The following KLF4 variants were observed in gnomAD, a reference collection of about 807,000 sequenced individuals.
KLF4 encodes KLF transcription factor 4, also known as Krueppel-like factor 4.
In KLF4, 14 loss-of-function variants were observed where a neutral mutation model predicts 38.0. That is an observed-to-expected ratio of 0.37 (90% CI 0.24 to 0.58). The LOEUF is 0.58. Among genes scored for constraint, KLF4 ranks in the 20% least tolerant of loss-of-function variants. The pLI is 0.76. For missense variants in KLF4, 737 were observed against 670.1 expected, an observed-to-expected ratio of 1.10 and a Z score of -1.10; for synonymous variants, 398 against 302.5, an observed-to-expected ratio of 1.32 and a Z score of -3.28.
At position 107,487,878 on chromosome 9, in the gene KLF4, G is replaced by A. The variant is rs1829105703; in HGVS notation, c.516C>T (p.Leu172=). The A allele has an allele frequency of 1.3e-6, 2 of 1,546,334 alleles. No homozygotes were observed. The highest frequency in any genetic ancestry group is 1.4e-5 in the African/African-American group (1 of 73,556). The change falls in exon 3 of 5, where the codon CTC becomes CTT. Residue 172 remains leucine (L), a synonymous_variant. Transcript: ENST00000374672. The surrounding 1 kb of genome is among the most constrained non-coding windows in gnomAD (Gnocchi z 6.1). The part of the protein sequence containing the change: ...VAPGGTGGGL[L]YGRESAPPPT... Reference sequence around the variant, plus strand: ...GAGGGGGAGCGGACTCCCTGCCATAGAGGAGGCCTCCGCCCGTGCCGCCCG... The same window carrying A: ...GAGGGGGAGCGGACTCCCTGCCATAAAGGAGGCCTCCGCCCGTGCCGCCCG...
Position 107,488,158 on chromosome 9 carries a change from G to T in KLF4, c.236C>A (p.Ala79Asp), listed in dbSNP as rs144010829. 2 of 1,612,582 alleles carry T rather than the reference G, an allele frequency of 1.2e-6. No individual in the cohort carries two copies. The highest frequency in any genetic ancestry group is 1.7e-6 in the Non-Finnish European group (2 of 1,179,864). The change falls in exon 3 of 5, where the codon GCC (alanine) becomes GAC (aspartate). Residue 79 changes from alanine (A) to aspartate (D), a missense_variant. This residue lies in a region of KLF4 where 695 missense variants were observed against 554.5 expected (regional missense o/e 1.25). Transcript: ENST00000374672. The surrounding 1 kb of genome is among the most constrained non-coding windows in gnomAD (Gnocchi z 5.7). ...TVATDLESGGAGAACGGSNLA... is the reference protein window; with the variant it reads ...TVATDLESGGDGAACGGSNLA... ...GTTGCTACCGCCGCAAGCCGCACCG[G>T]CTCCGCCGCTCTCCAGGTCTGTGGC... is the stretch of plus-strand genomic sequence containing the variant.
At position 107,489,288 on chromosome 9, in the gene KLF4, C is replaced by A; in HGVS notation, c.-116G>T. ...CCCAAAACCCCAAATTGGCCGAGAT[C>A]CTTCTTCTTTGGATTAAATATAACT... On this transcript the variant is annotated 5_prime_UTR_variant, in exon 1 of 5. Coordinates refer to ENST00000374672, the MANE Select transcript of KLF4 (RefSeq NM_004235.6). 7.7e-7 allele frequency: 1 copy of A among 1,305,782 alleles called. No homozygotes were observed. The highest frequency in any genetic ancestry group is 1.7e-5 in the South Asian group (1 of 59,784). The allele number at this position is 1,305,782 out of a possible 1,614,324, so 80.9% of individuals were successfully genotyped here.
At position 107,487,674 on chromosome 9, in the gene KLF4, G is replaced by A. The variant is rs771082048; in HGVS notation, c.720C>T (p.Ser240=). The A allele has an allele frequency of 6.3e-7, 1 of 1,592,112 alleles. No individual in the cohort carries two copies. Among genetic ancestry groups the A allele is most frequent in the Non-Finnish European group, 8.6e-7 (1 of 1,166,902 alleles). ...VLKASLSAPG[S]EYGSPSVISV... ...TGATGACCGACGGGCTGCCGTACTC[G>A]CTGCCAGGGGCGCTCAGCGACGCCT... Residue 240 remains serine (S), a synonymous_variant, in exon 3 of 5, where the codon AGC becomes AGT. Transcript: ENST00000374672. The surrounding 1 kb of genome is among the most constrained non-coding windows in gnomAD (Gnocchi z 6.1).
rs780759576 is a variant in KLF4 at position 107,487,744 on chromosome 9, T to G, written c.650A>C (p.Gln217Pro). The G allele has an allele frequency of 5.1e-6, 8 of 1,579,344 alleles. No individual in the cohort carries two copies. The highest frequency in any genetic ancestry group is 6.9e-6 in the Non-Finnish European group (8 of 1,163,320). Residue 217 changes from glutamine (Q) to proline (P), a missense_variant, in exon 3 of 5, where the codon CAG becomes CCG. Physicochemically the swap from Gln to Pro is moderately conservative, Grantham distance 76. Transcript: ENST00000374672. This position sits in a 1 kb window ranked among gnomAD's most constrained non-coding sequence, Gnocchi z 6.1. ...CAGCCCGCCACCTGGCGGCTGCGGC[T>G]GCTGCGGCGGAATGTACACCGGGTC... Reference protein sequence around the residue: ...ELDPVYIPPQQPQPPGGGLMG... With the variant: ...ELDPVYIPPQPPQPPGGGLMG...
chr9:107,487,916 G>C lies in KLF4; in HGVS notation c.478C>G (p.Pro160Ala), dbSNP rs1202616226. Residue 160 changes from proline (P) to alanine (A), a missense_variant, in exon 3 of 5, where the codon CCG becomes GCG. This residue lies in a region of KLF4 where 695 missense variants were observed against 554.5 expected (regional missense o/e 1.25). Coordinates refer to ENST00000374672, the MANE Select transcript of KLF4 (RefSeq NM_004235.6). The surrounding 1 kb of genome is among the most constrained non-coding windows in gnomAD (Gnocchi z 6.1). ...FTYPIRAGND[P>A]GVAPGGTGGG... Reference sequence around the variant, plus strand: ...CCCGTGCCGCCCGGCGCCACGCCCGGGTCGTTCCCGGCCCGGATCGGATAG... The same window carrying C: ...CCCGTGCCGCCCGGCGCCACGCCCGCGTCGTTCCCGGCCCGGATCGGATAG... 6.4e-7 allele frequency: 1 copy of C among 1,573,210 alleles called. No individual in the cohort carries two copies. Among genetic ancestry groups the C allele is most frequent in the Admixed American group, 1.9e-5 (1 of 53,614 alleles).
intron 4 of KLF4, among the ~76,000 whole-genome samples, chr9:107,486,339 C>T (rs1317914066): frequency 6.6e-6 from 1 of 152,034 alleles, no homozygotes; most frequent in Admixed American, 6.6e-5. Flanking sequence ...CCACAGGTGG[C>T]TACTTTTTTT....
Position 107,488,259 on chromosome 9 carries a change from C to T in KLF4, c.135G>A (p.Arg45=). ...RQAGAPNNRW[R]EELSHMKRLP... is the part of the protein sequence containing the mutation. ...GTCGCTTCATGTGGGAGAGCTCCTC[C>T]CGCCAGCGCTGCGGGGACAGGGCGG... The change falls in exon 3 of 5, where the codon CGG becomes CGA. Residue 45 remains arginine (R), a synonymous_variant. Transcript: ENST00000374672. The surrounding 1 kb of genome is among the most constrained non-coding windows in gnomAD (Gnocchi z 5.7). 1.9e-6 allele frequency: 3 copies of T among 1,603,516 alleles called. No individual in the cohort carries two copies. The highest frequency in any genetic ancestry group is 2.6e-6 in the Non-Finnish European group (3 of 1,176,394).
chr9:107,487,713 G>C lies in KLF4; in HGVS notation c.681C>G (p.Gly227=). 7 of 1,600,742 alleles carry C rather than the reference G, an allele frequency of 4.4e-6. No individual in the cohort carries two copies. Among genetic ancestry groups the C allele is most frequent in the Non-Finnish European group, 6.0e-6 (7 of 1,175,020 alleles). Residue 227 remains glycine, a synonymous_variant, in exon 3 of 5, where the codon GGC becomes GGG. Transcript: ENST00000374672. The surrounding 1 kb of genome is among the most constrained non-coding windows in gnomAD (Gnocchi z 6.1). ...QPQPPGGGLM[G]KFVLKASLSA... is the part of the protein sequence containing the mutation. Reference sequence around the variant, plus strand: ...TCAGCGACGCCTTCAGCACGAACTTGCCCATCAGCCCGCCACCTGGCGGCT... The same window carrying C: ...TCAGCGACGCCTTCAGCACGAACTTCCCCATCAGCCCGCCACCTGGCGGCT...
chr9:107,485,781 G>A lies in KLF4; in HGVS notation c.1410C>T (p.His470=), dbSNP rs1309857292. 3 of 1,604,130 alleles carry A rather than the reference G, an allele frequency of 1.9e-6. No homozygotes were observed. In the African/African-American group the frequency reaches 4.0e-5, roughly 22 times the overall value. The change falls in exon 5 of 5, where the codon CAC becomes CAT. Residue 470 remains histidine, a synonymous_variant. Coordinates refer to ENST00000374672, the MANE Select transcript of KLF4 (RefSeq NM_004235.6). The surrounding 1 kb of genome is among the most constrained non-coding windows in gnomAD (Gnocchi z 4.9). ...KCDRAFSRSD[H]LALHMKRHF is the part of the protein sequence containing the mutation. ...AATGCCTCTTCATGTGTAAGGCGAG[G>A]TGGTCCGACCTGGAAAATGCTCGGT...
At position 107,488,373 on chromosome 9, in the gene KLF4, G is replaced by A; in HGVS notation, c.127-106C>T. On this transcript the variant is annotated intron_variant, in intron 2 of 4. Coordinates refer to ENST00000374672, the MANE Select transcript of KLF4 (RefSeq NM_004235.6). The surrounding 1 kb of genome is among the most constrained non-coding windows in gnomAD (Gnocchi z 5.7). ...CGCGACTGCACCGCCCAGACATGGG[G>A]ACTGGTCAGGCAGGAAGCACCCGGG... is the stretch of plus-strand genomic sequence containing the variant. 1 of 1,441,782 alleles carries A rather than the reference G, an allele frequency of 6.9e-7. No individual in the cohort carries two copies. Among genetic ancestry groups the A allele is most frequent in the Admixed American group, 2.7e-5 (1 of 36,472 alleles). The allele number at this position is 1,441,782 out of a possible 1,614,324, so 89.3% of individuals were successfully genotyped here.
chr9:107,489,285 G>A lies in KLF4; in HGVS notation c.-113C>T, dbSNP rs1338458798. 2 of 1,318,016 alleles carry A rather than the reference G, an allele frequency of 1.5e-6. No homozygotes were observed. Among genetic ancestry groups the A allele is most frequent in the Admixed American group, 3.1e-5 (1 of 32,186 alleles). 81.6% of individuals were successfully genotyped at this position (1,318,016 alleles called of 1,614,324 possible). On this transcript the variant is annotated 5_prime_UTR_variant, in exon 1 of 5. Coordinates refer to ENST00000374672, the MANE Select transcript of KLF4 (RefSeq NM_004235.6). ...AAACCCAAAACCCCAAATTGGCCGA[G>A]ATCCTTCTTCTTTGGATTAAATATA...
In KLF4 at chr9:107,488,141, C is replaced by T. The variant is rs747921767; in HGVS notation, c.253G>A (p.Gly85Ser). The change falls in exon 3 of 5, where the codon GGT becomes AGT. Residue 85 changes from glycine to serine, a missense_variant. Coordinates refer to ENST00000374672, the MANE Select transcript of KLF4 (RefSeq NM_004235.6). The surrounding 1 kb of genome is among the most constrained non-coding windows in gnomAD (Gnocchi z 5.7). Reference protein sequence around the residue: ...ESGGAGAACGGSNLAPLPRRE... With the variant: ...ESGGAGAACGSSNLAPLPRRE... ...CGAGGTAGGGGCGCCAGGTTGCTAC[C>T]GCCGCAAGCCGCACCGGCTCCGCCG... is the stretch of plus-strand genomic sequence containing the variant. The T allele has an allele frequency of 2.5e-6, 4 of 1,612,360 alleles. No homozygotes were observed. Among genetic ancestry groups the T allele is most frequent in the Middle Eastern group, 3.3e-4 (2 of 6,050 alleles).
Position 107,487,609 on chromosome 9 carries a change from A to G in KLF4, c.785T>C (p.Val262Ala), listed in dbSNP as rs1587921496. The G allele has an allele frequency of 6.3e-7, 1 of 1,599,432 alleles. No homozygotes were observed. Among genetic ancestry groups the G allele is most frequent in the East Asian group, 2.2e-5 (1 of 44,588 alleles). ...KGSPDGSHPV[V>A]VAPYNGGPPR... ...CGGCCCGCCGTTGTAGGGCGCCACC[A>G]CCACCGGGTGGCTGCCGTCAGGGCT... The change falls in exon 3 of 5, where the codon GTG (valine) becomes GCG (alanine). Residue 262 changes from valine to alanine, a missense_variant. By Grantham distance (64) the Val-to-Ala change is moderately conservative. Around this residue, in one of 2 missense-constraint regions of KLF4, gnomAD observed 695 missense variants for 554.5 expected, o/e 1.25. Transcript: ENST00000374672. The surrounding 1 kb of genome is among the most constrained non-coding windows in gnomAD (Gnocchi z 6.1).
In KLF4 at chr9:107,488,896, C is replaced by G. The variant is rs978235301; in HGVS notation, c.126+34G>C. The G allele has an allele frequency of 1.1e-5, 17 of 1,543,370 alleles. No homozygotes were observed. Among genetic ancestry groups the G allele is most frequent in the Non-Finnish European group, 1.5e-5 (17 of 1,141,622 alleles). ...CCCCCACCACACCCACGAAAACCCA[C>G]CGGGCGTTCCCGGCGGCCCGGAGCG... is the stretch of plus-strand genomic sequence containing the variant. On this transcript the variant is annotated intron_variant, in intron 2 of 4. Coordinates refer to ENST00000374672, the MANE Select transcript of KLF4 (RefSeq NM_004235.6). This position sits in a 1 kb window ranked among gnomAD's most constrained non-coding sequence, Gnocchi z 5.7.
rs757948885 is a variant in KLF4, at chr9:107,488,175, G to T, written c.219C>A (p.Asp73Glu). 6 of 1,612,466 alleles carry T rather than the reference G, an allele frequency of 3.7e-6. No homozygotes were observed. The East Asian group carries it at 1.1e-4, about 30-fold the overall frequency. The change falls in exon 3 of 5, where the codon GAC (aspartate) becomes GAA (glutamate). Residue 73 changes from aspartate to glutamate, a missense_variant. Physicochemically the swap from Asp to Glu is conservative, Grantham distance 45. Transcript: ENST00000374672. The surrounding 1 kb of genome is among the most constrained non-coding windows in gnomAD (Gnocchi z 5.7). ...YDLAAATVAT[D>E]LESGGAGAAC... The stretch of plus-strand genomic sequence containing the variant: ...CCGCACCGGCTCCGCCGCTCTCCAG[G>T]TCTGTGGCCACGGTCGCCGCCGCCA...
At position 107,487,163 on chromosome 9, in the gene KLF4, C is replaced by G. The variant is rs758651089; in HGVS notation, c.1129G>C (p.Glu377Gln). ...CTTCCCCTCTTTGGCTTGGGCTCCTCTGGCATGCAGGAACCGGGTGGCATG... is the reference window on the plus strand; with the variant it reads ...CTTCCCCTCTTTGGCTTGGGCTCCTGTGGCATGCAGGAACCGGGTGGCATG... ...ELMPPGSCMP[E>Q]EPKPKRGRRS... Residue 377 changes from glutamate (E) to glutamine (Q), a missense_variant, in exon 4 of 5, where the codon GAG (glutamate) becomes CAG (glutamine). Coordinates refer to ENST00000374672, the MANE Select transcript of KLF4 (RefSeq NM_004235.6). This position sits in a 1 kb window ranked among gnomAD's most constrained non-coding sequence, Gnocchi z 6.1. 2.5e-6 allele frequency: 4 copies of G among 1,614,094 alleles called. No individual in the cohort carries two copies. The highest frequency in any genetic ancestry group is 2.5e-6 in the Non-Finnish European group (3 of 1,180,050).
rs771164017 is a variant in KLF4 at position 107,488,093 on chromosome 9, C to A, written c.301G>T (p.Asp101Tyr). The change falls in exon 3 of 5, where the codon GAT becomes TAT. Residue 101 changes from aspartate to tyrosine, a missense_variant. This residue lies in a region of KLF4 where 695 missense variants were observed against 554.5 expected (regional missense o/e 1.25). Transcript: ENST00000374672. The surrounding 1 kb of genome is among the most constrained non-coding windows in gnomAD (Gnocchi z 5.7). ...AGAATAAAGTCCAGGTCCAGGAGAT[C>A]GTTGAACTCCTCGGTCTCTCTCCGA... ...LPRRETEEFN[D>Y]LLDLDFILSN... The A allele has an allele frequency of 1.2e-6, 2 of 1,612,954 alleles. No homozygotes were observed. Among genetic ancestry groups the A allele is most frequent in the South Asian group, 1.1e-5 (1 of 91,084 alleles).
chr9:107,487,226 CGTGTGTCCCGAA>C lies in KLF4; in HGVS notation c.1100-46_1100-35del. The C allele has an allele frequency of 6.2e-7, 1 of 1,608,816 alleles. No individual in the cohort carries two copies. Among genetic ancestry groups the C allele is most frequent in the Non-Finnish European group, 8.5e-7 (1 of 1,177,024 alleles). On this transcript the variant is annotated intron_variant, in intron 3 of 4. Coordinates refer to ENST00000374672, the MANE Select transcript of KLF4 (RefSeq NM_004235.6). This position sits in a 1 kb window ranked among gnomAD's most constrained non-coding sequence, Gnocchi z 6.1. ...GAAGAAGGTGGGGTGAGCATCATCC[CGTGTGTCCCGAA>C]GTGGGGCCAGCACACACAGGGCTCC...
At position 107,488,473 on chromosome 9, in the gene KLF4, G is replaced by T; in HGVS notation, c.127-206C>A. ...GAGGTGATGCGTCTGTATTGCGGGT[G>T]TTATGTCCTGTCTGCCCAATTGCGT... is the stretch of plus-strand genomic sequence containing the variant. On this transcript the variant is annotated intron_variant, in intron 2 of 4. Coordinates refer to ENST00000374672, the MANE Select transcript of KLF4 (RefSeq NM_004235.6). This position sits in a 1 kb window ranked among gnomAD's most constrained non-coding sequence, Gnocchi z 5.7. 2 of 888,572 alleles carry T rather than the reference G, an allele frequency of 2.3e-6. No individual in the cohort carries two copies. The highest frequency in any genetic ancestry group is 1.8e-5 in the South Asian group (1 of 54,548). 55.0% of individuals were successfully genotyped at this position (888,572 alleles called of 1,614,324 possible). A position where few individuals can be genotyped will look rare whatever the true frequency, so the allele number is the denominator to read the frequency against.
Sources: allele counts gnomAD v4.1 joint callset (sites outside exome capture counted in the v4.1 genomes callset), GRCh38; gene constraint gnomAD v4.1.1; regional missense constraint gnomAD v4.1.1; non-coding constraint Gnocchi (gnomAD v3.1); transcripts MANE v1.5; gene names NCBI Gene and HGNC (gene_info 2026-07-23, HGNC 2026-07-21).